Variants in GRM5 observed in about 807,000 individuals in gnomAD.
The protein encoded by GRM5 is glutamate metabotropic receptor 5, also known as metabotropic glutamate receptor 5.
GRM5 carries 19 observed loss-of-function variants against 83.1 expected under a neutral mutation model. The observed-to-expected ratio is 0.23, with a 90% confidence interval of 0.16 to 0.34. The LOEUF is 0.34. GRM5 is among the 10% of genes least tolerant of loss of function. The pLI, the probability that GRM5 is intolerant of heterozygous loss-of-function variation, is 1.00. For missense variants in GRM5, 1,160 were observed against 1,588.3 expected, an observed-to-expected ratio of 0.73 and a Z score of 4.58; for synonymous variants, 675 against 633.6, an observed-to-expected ratio of 1.07 and a Z score of -0.98.
At chr11:88,720,979 C>T (rs1226969036) in intron 3 of GRM5, among the ~76,000 whole-genome samples, 2 of 151,954 alleles carry the variant, frequency 1.3e-5, no homozygotes, top group East Asian at 3.9e-4. Context: ...TGTGGGATAG[C>T]CATCACGTAG....
intron 3 of GRM5, among the ~76,000 whole-genome samples, chr11:88,655,728 A>C (rs941947284): frequency 1.7e-4 from 25 of 144,358 alleles, no homozygotes; most frequent in African/African-American, 6.4e-4. Context: ...TTAGAAAACT[A>C]TGATGTTTTA....
intron 4 of GRM5, among the ~76,000 whole-genome samples, chr11:88,605,294 T>A (rs1417252534): frequency 6.6e-6 from 1 of 152,040 alleles, no homozygotes; most frequent in African/African-American, 2.4e-5. Context: ...ACAGATTCAT[T>A]TCATTAGTAT....
intron 3 of GRM5, among the ~76,000 whole-genome samples, chr11:88,744,582 C>G (rs147196429): frequency 6.6e-6 from 1 of 152,036 alleles, no homozygotes; most frequent in Non-Finnish European, 1.5e-5. Context: ...CCTACATGAA[C>G]CTTGAAAGGC....
intron 3 of GRM5, among the ~76,000 whole-genome samples, chr11:88,701,459 G>A (rs778968971): frequency 1.3e-5 from 2 of 152,100 alleles, no homozygotes; most frequent in Non-Finnish European, 2.9e-5. Flanking sequence ...AGAATGCACC[G>A]GAGAGGATAA....
At chr11:88,824,579 T>TC (rs1227419803) in intron 3 of GRM5, among the ~76,000 whole-genome samples, 1 of 152,184 alleles carries the variant, frequency 6.6e-6, no homozygotes, top group Non-Finnish European at 1.5e-5. Context: ...CATTACATTC[T>TC]CATAAGTAGT....
At chr11:88,783,242 A>G (rs1229428487) in intron 3 of GRM5, among the ~76,000 whole-genome samples, 1 of 152,150 alleles carries the variant, frequency 6.6e-6, no homozygotes, top group African/African-American at 2.4e-5. Flanking sequence ...AACATAAAGG[A>G]CTTGTGTTCA....
At chr11:88,872,855 C>A (rs1209479653) in intron 2 of GRM5, among the ~76,000 whole-genome samples, 4 of 151,022 alleles carry the variant, frequency 2.6e-5, no homozygotes, top group Non-Finnish European at 5.9e-5. Context: ...ACAGTAGTAA[C>A]CCCTTACCTA....
intron 6 of GRM5, among the ~76,000 whole-genome samples, chr11:88,594,707 C>G (rs1028220572): frequency 6.6e-6 from 1 of 151,878 alleles, no homozygotes; most frequent in Non-Finnish European, 1.5e-5. Flanking sequence ...TCAGACCTAC[C>G]CTTTGAGGGC....
intron 3 of GRM5, among the ~76,000 whole-genome samples, chr11:88,686,580 T>C (rs1186109521): frequency 6.6e-6 from 1 of 152,116 alleles, no homozygotes; most frequent in Non-Finnish European, 1.5e-5. Context: ...CCAAATCTCA[T>C]CTTGAATTGT....
chr11:89,039,206 A>C (rs1941466978), intron 2 of GRM5, among the ~76,000 whole-genome samples: 2 of 151,930 alleles, frequency 1.3e-5, no homozygotes, highest in South Asian at 2.1e-4. Flanking sequence ...CGGAGGTTGC[A>C]GTGAGCCGAG....
intron 2 of GRM5, among the ~76,000 whole-genome samples, chr11:88,884,815 C>T (rs1590937652): frequency 6.6e-6 from 1 of 152,170 alleles, no homozygotes; most frequent in Non-Finnish European, 1.5e-5. Flanking sequence ...CCACATAAGA[C>T]ATGACTTTGC....
chr11:88,933,187 ATTTT>A (rs57318577), intron 2 of GRM5, among the ~76,000 whole-genome samples: 6 of 106,298 alleles, frequency 5.6e-5, no homozygotes, highest in South Asian at 3.1e-4. Context: ...TATTTGGGGC[ATTTT>A]TTTTTTTTTT....
At chr11:88,522,587 CGCTCTCTCTCTCTCTCTG>C (rs1304476701) in intron 9 of GRM5, among the ~76,000 whole-genome samples, 6 of 98,510 alleles carry the variant, frequency 6.1e-5, no homozygotes, top group South Asian at 9.7e-4. Context: ...CTCTCTCTCT[CGCTCTCTCTCTCTCTCTG>C]TGTGTGTGTG....
At chr11:88,839,214 C>A (rs1363868442) in intron 3 of GRM5, among the ~76,000 whole-genome samples, 1 of 152,096 alleles carries the variant, frequency 6.6e-6, no homozygotes, top group African/African-American at 2.4e-5. Flanking sequence ...GATACAGATA[C>A]TATATATCAT....
At chr11:88,881,770 CA>C (rs1944957141) in intron 2 of GRM5, among the ~76,000 whole-genome samples, 1 of 150,878 alleles carries the variant, frequency 6.6e-6, no homozygotes, top group African/African-American at 2.4e-5. Context: ...TTGTGAAACA[CA>C]AAACAGAAAA....
chr11:88,730,024 A>G (rs1207021516), intron 3 of GRM5, among the ~76,000 whole-genome samples: 1 of 152,214 alleles, frequency 6.6e-6, no homozygotes, highest in Non-Finnish European at 1.5e-5. Context: ...GCCAAAATTG[A>G]CAAATGGGAT....
At chr11:88,978,506 A>C (rs200723460) in intron 2 of GRM5, among the ~76,000 whole-genome samples, 1,265 of 105,410 alleles carry the variant, frequency 0.012, 35 homozygotes, top group African/African-American at 0.03. Flanking sequence ...AAAAAAAAAA[A>C]AAAAAAAAAA....
At chr11:88,512,052 G>C (rs553734704) in intron 9 of GRM5, 1 of 152,162 alleles carries the variant, frequency 6.6e-6, no homozygotes, top group Middle Eastern at 3.0e-3. Context: ...TCTCTCTCTC[G>C]AATGCCTTTA....
chr11:88,854,638 G>C (rs962495283), intron 2 of GRM5, among the ~76,000 whole-genome samples: 5 of 151,890 alleles, frequency 3.3e-5, no homozygotes, highest in African/African-American at 1.2e-4. Context: ...AAAGGGAAGA[G>C]GTCAGGAAGG....
Sources: gnomAD v4.1 joint callset for allele counts (sites outside exome capture counted in the v4.1 genomes callset) on GRCh38, gnomAD v4.1.1 for gene constraint, MANE v1.5 for transcripts, NCBI Gene and HGNC (gene_info 2026-07-23, HGNC 2026-07-21) for gene names.